NUDT2: variants seen among roughly 807,000 people sequenced by gnomAD.
NUDT2 encodes the protein nudix hydrolase 2.
In NUDT2, 12 loss-of-function variants were observed where a neutral mutation model predicts 14.2. The observed-to-expected ratio is 0.84, with a 90% CI of 0.54 to 1.37. The LOEUF (loss-of-function observed/expected upper bound fraction) is 1.37. Ranked by LOEUF, NUDT2 falls within the 40% of genes most tolerant of loss-of-function variation. The probability of loss-of-function intolerance (pLI) is 0.00; values close to 1 mark genes in which losing one functional copy is unlikely to be tolerated. For synonymous variants in NUDT2, 67 were observed against 67.4 expected (o/e 0.99, Z 0.03); for missense variants, 167 against 176.7 (o/e 0.95, Z 0.31).
intron 3 of NUDT2, 80 bp downstream of exon 3, chr9:34,338,927 C>A: frequency 1.0e-6 from 1 of 996,752 alleles, no homozygotes; most frequent in Non-Finnish European, 1.5e-6. Context: ...TCACAGTTAG[C>A]TAGTCTGCAT....
At chr9:34,338,210 A>T (rs901810416) in intron 2 of NUDT2, among the ~76,000 whole-genome samples, 7 of 147,530 alleles carry the variant, frequency 4.7e-5, no homozygotes, top group African/African-American at 1.5e-4. Context: ...AAAAAAAATC[A>T]GACTGGGCAT....
chr9:34,331,299 ACT>A (rs1837927669), intron 1 of NUDT2, among the ~76,000 whole-genome samples: 1 of 152,202 alleles, frequency 6.6e-6, no homozygotes, highest in South Asian at 2.1e-4. Flanking sequence ...GGTAACAGTA[ACT>A]CATATATTTA....
At chr9:34,330,175 G>A (rs1347378922) in intron 1 of NUDT2, among the ~76,000 whole-genome samples, 2 of 152,180 alleles carry the variant, frequency 1.3e-5, no homozygotes, top group African/African-American at 2.4e-5. Flanking sequence ...AGGCCAAGGC[G>A]GGCGGATCAC....
At chr9:34,339,937 TTTTC>T (rs983279530) in intron 4 of NUDT2, among the ~76,000 whole-genome samples, 3 of 109,706 alleles carry the variant, frequency 2.7e-5, no homozygotes, top group Non-Finnish European at 7.5e-5. Context: ...TAGGTTTTTC[TTTTC>T]TTTTTTTTTT....
At chr9:34,330,156 C>A (rs1837855791) in intron 1 of NUDT2, among the ~76,000 whole-genome samples, 1 of 152,208 alleles carries the variant, frequency 6.6e-6, no homozygotes, top group South Asian at 2.1e-4. Context: ...GTAATCCCAG[C>A]ATTTTGGGAG....
At chr9:34,343,048 A>G (rs76307904) in intron 4 of NUDT2, 76 bp from the exon 5 acceptor site, 1 of 1,396,876 alleles carries the variant, frequency 7.2e-7, no homozygotes, top group African/African-American at 1.5e-5. Context: ...AAAAAAAAAA[A>G]TCTTGTCTGG....
At chr9:34,335,921 T>C (rs146732529) in intron 1 of NUDT2, among the ~76,000 whole-genome samples, 17 of 152,242 alleles carry the variant, frequency 1.1e-4, no homozygotes, top group African/African-American at 4.1e-4. Flanking sequence ...TGGCTCCCCA[T>C]GCAGGCATCT....
At chr9:34,333,644 CAAAAAAAAAAAAAAA>C (rs34830977) in intron 1 of NUDT2, among the ~76,000 whole-genome samples, 11 of 47,104 alleles carry the variant, frequency 2.3e-4, no homozygotes, top group South Asian at 2.7e-3. Flanking sequence ...GAGACATTGT[CAAAAAAAAAAAAAAA>C]AAAAAAAAAA....
At chr9:34,338,036 G>A (rs1838134867) in intron 2 of NUDT2, among the ~76,000 whole-genome samples, 1 of 150,994 alleles carries the variant, frequency 6.6e-6, no homozygotes, top group African/African-American at 2.4e-5. Context: ...TAGAGACAGG[G>A]TTTCACCATG....
chr9:34,343,560 T>G lies in NUDT2; in HGVS notation c.*120T>G. 1.1e-6 allele frequency: 1 copy of G among 938,436 alleles called. No homozygotes were observed. The highest frequency in any genetic ancestry group is 2.1e-5 in the South Asian group (1 of 48,302). The allele number at this position is 938,436 out of a possible 1,614,324, so 58.1% of individuals were successfully genotyped here. On this transcript the variant is annotated 3_prime_UTR_variant, in exon 5 of 5. Coordinates refer to ENST00000379158, the MANE Select transcript of NUDT2 (RefSeq NM_001161.5). ...TGGCTCATGACAGCCAAGAGCAGAT[T>G]TGTGAAATCGGCTCAACTCCCAGGT... is the stretch of plus-strand genomic sequence containing the variant.
intron 1 of NUDT2, among the ~76,000 whole-genome samples, chr9:34,333,717 T>C (rs1838013911): frequency 6.6e-6 from 1 of 151,316 alleles, no homozygotes; most frequent in Non-Finnish European, 1.5e-5. Context: ...AAATCTTGTC[T>C]GTCCTCTCTC....
intron 4 of NUDT2, among the ~76,000 whole-genome samples, chr9:34,342,362 G>T (rs1820212597): frequency 6.6e-6 from 1 of 152,192 alleles, no homozygotes; most frequent in Admixed American, 6.5e-5. Context: ...GTCCTCACTG[G>T]ATTGTAGGCA....
intron 1 of NUDT2, among the ~76,000 whole-genome samples, chr9:34,330,503 A>T (rs1837880502): frequency 6.8e-6 from 1 of 147,694 alleles, no homozygotes. Flanking sequence ...GTTAGGAGTC[A>T]GGCAGACCTA....
intron 1 of NUDT2, among the ~76,000 whole-genome samples, chr9:34,333,301 A>T (rs531279252): frequency 1.3e-5 from 2 of 152,152 alleles, no homozygotes; most frequent in East Asian, 3.9e-4. Context: ...CCAGCTAGAC[A>T]TCTTAACCTC....
chr9:34,332,881 G>C (rs940381167), intron 1 of NUDT2, among the ~76,000 whole-genome samples: 43 of 152,220 alleles, frequency 2.8e-4, no homozygotes, highest in African/African-American at 9.9e-4. Flanking sequence ...TTACAAGAAA[G>C]AGCTTTACTC....
chr9:34,338,507 C>CA (rs138767351), intron 2 of NUDT2, among the ~76,000 whole-genome samples: 29,958 of 120,144 alleles, frequency 0.25, 3,938 homozygotes, highest in East Asian at 0.63. Context: ...GACCCTGTCT[C>CA]AAAAAAAAAA....
chr9:34,332,480 C>A (rs1837970164), intron 1 of NUDT2, among the ~76,000 whole-genome samples: 1 of 152,196 alleles, frequency 6.6e-6, no homozygotes, highest in Non-Finnish European at 1.5e-5. Flanking sequence ...ATCTATCTGT[C>A]AATCCTTCAC....
In NUDT2 at chr9:34,338,179, A is replaced by G. The variant is rs1480997201; in HGVS notation, c.-151-534A>G. Among the ~76,000 whole-genome samples, 7 of 147,986 alleles carry G rather than the reference A, an allele frequency of 4.7e-5. 1 individual carries two copies. The East Asian group carries it at 1.4e-3, about 30-fold the overall frequency. On this transcript the variant is annotated intron_variant, in intron 2 of 4. Transcript: ENST00000379158. ...CTTAAAAAAAAAAAAAAAAAAAAAA[A>G]AAAGGATAAAATAAAAGACTAAAAA...
chr9:34,341,624 C>T (rs561762312), intron 4 of NUDT2, among the ~76,000 whole-genome samples: 2 of 152,356 alleles, frequency 1.3e-5, no homozygotes, highest in African/African-American at 4.8e-5. Flanking sequence ...ATTCTCCTGC[C>T]TCAGCCTCCC....
Sources: allele counts gnomAD v4.1 joint callset (sites outside exome capture counted in the v4.1 genomes callset), GRCh38; gene constraint gnomAD v4.1.1; transcripts MANE v1.5; gene names NCBI Gene and HGNC (gene_info 2026-07-23, HGNC 2026-07-21).